The following BSN variants were observed in gnomAD, a reference collection of about 807,000 sequenced individuals.
BSN encodes protein bassoon.
In BSN, 57 loss-of-function variants were observed where a neutral mutation model predicts 264.8. The observed-to-expected ratio is 0.22, with a 90% confidence interval of 0.17 to 0.27. The LOEUF (loss-of-function observed/expected upper bound fraction) is 0.27, where lower values mean the gene tolerates loss of function less well. BSN is among the 10% of genes least tolerant of loss of function. The probability of loss-of-function intolerance (pLI) is 1.00; values close to 1 mark genes in which losing one functional copy is unlikely to be tolerated. For missense variants in BSN, 4,615 were observed against 5,232.5 expected, an observed-to-expected ratio of 0.88 and a Z score of 3.64; for synonymous variants, 2,059 against 2,137.3, an observed-to-expected ratio of 0.96 and a Z score of 1.01.
Position 49,658,054 on chromosome 3 carries a change from C to G in BSN, c.8498C>G (p.Ala2833Gly). Reference protein sequence around the residue: ...SPQKHFTADSALRQQTLPRPM... With the variant: ...SPQKHFTADSGLRQQTLPRPM... Reference sequence around the variant, plus strand: ...CAGAAGCACTTCACGGCTGACAGCGCTCTCCGCCAGCAGACGCTGCCTCGC... The same window carrying G: ...CAGAAGCACTTCACGGCTGACAGCGGTCTCCGCCAGCAGACGCTGCCTCGC... The change falls in exon 5 of 12, where the codon GCT (alanine) becomes GGT (glycine). Residue 2833 changes from alanine (A) to glycine (G), a missense_variant. This residue lies in a region of BSN where 3,415 missense variants were observed against 3,866.4 expected (regional missense o/e 0.88). Transcript: ENST00000296452. 2 of 1,613,500 alleles carry G rather than the reference C, an allele frequency of 1.2e-6. No homozygotes were observed. The highest frequency in any genetic ancestry group is 1.7e-6 in the Non-Finnish European group (2 of 1,179,978).
intron 1 of BSN, among the ~76,000 whole-genome samples, chr3:49,566,177 T>C (rs936920754): frequency 1.3e-5 from 2 of 152,236 alleles, no homozygotes; most frequent in Non-Finnish European, 2.9e-5. Context: ...CGTCTACATA[T>C]TGCATTTGGT....
At position 49,667,987 on chromosome 3, in the gene BSN, G is replaced by A. The variant is rs1273356922; in HGVS notation, c.*502G>A. On this transcript the variant is annotated 3_prime_UTR_variant, in exon 12 of 12. Transcript: ENST00000296452. ...TGGAGAGGGGCTTTGACTGAGGGCTGGGGGCCCTGGGCTCCGTTTCCTTCA... is the reference window on the plus strand; with the variant it reads ...TGGAGAGGGGCTTTGACTGAGGGCTAGGGGCCCTGGGCTCCGTTTCCTTCA... 6.6e-6 allele frequency: 1 copy of A among 152,664 alleles called. No individual in the cohort carries two copies. The highest frequency in any genetic ancestry group is 6.5e-5 in the Admixed American group (1 of 15,282). 9.5% of individuals were successfully genotyped at this position (152,664 alleles called of 1,614,324 possible). A position where few individuals can be genotyped will look rare whatever the true frequency, so the allele number is the denominator to read the frequency against.
chr3:49,654,654 C>T lies in BSN; in HGVS notation c.5098C>T (p.Leu1700=), dbSNP rs1369554591. The T allele has an allele frequency of 6.2e-7, 1 of 1,613,908 alleles. No homozygotes were observed. The highest frequency in any genetic ancestry group is 1.1e-5 in the South Asian group (1 of 91,070). The change falls in exon 5 of 12, where the codon CTG becomes TTG. Residue 1700 remains leucine, a synonymous_variant. Coordinates refer to ENST00000296452, the MANE Select transcript of BSN (RefSeq NM_003458.4). The surrounding 1 kb of genome is among the most constrained non-coding windows in gnomAD (Gnocchi z 4.1). ...GGAAGCGAGGAAGTATGGTCTTGCC[C>T]TGGATCCAATCCCAGGACGGCAGTC... is the stretch of plus-strand genomic sequence containing the variant. ...AVEARKYGLA[L]DPIPGRQSTA... is the part of the protein sequence containing the mutation.
intron 1 of BSN, among the ~76,000 whole-genome samples, chr3:49,568,952 G>A (rs73074855): frequency 0.097 from 14,707 of 152,208 alleles, 1,006 homozygotes; most frequent in Non-Finnish European, 0.13. Flanking sequence ...TTGCAGGACA[G>A]GGAGGTGGGA....
At chr3:49,672,674 T>G (rs1575457765), downstream of BSN, among the ~76,000 whole-genome samples, 1 of 149,340 alleles carries the variant, frequency 6.7e-6, no homozygotes, top group Admixed American at 6.7e-5. Flanking sequence ...AGAGACAGGG[T>G]TTCTCCATGT....
At chr3:49,601,304 G>A (rs896029873) in intron 1 of BSN, among the ~76,000 whole-genome samples, 2 of 152,206 alleles carry the variant, frequency 1.3e-5, no homozygotes, top group African/African-American at 4.8e-5. Context: ...AATCGTTAGA[G>A]CCACCTGGAT....
intron 3 of BSN, among the ~76,000 whole-genome samples, chr3:49,647,101 G>A (rs1469679898): frequency 6.6e-6 from 1 of 152,242 alleles, no homozygotes; most frequent in Non-Finnish European, 1.5e-5. Flanking sequence ...GACTGGAACG[G>A]TGTCACCATA....
chr3:49,596,123 A>C (rs1328576307), intron 1 of BSN, among the ~76,000 whole-genome samples: 2 of 152,116 alleles, frequency 1.3e-5, no homozygotes, highest in Non-Finnish European at 2.9e-5. Context: ...TAATGGTGGC[A>C]GCTGGATGTG....
rs1467556856 is a variant in BSN at position 49,653,890 on chromosome 3, C to A, written c.4334C>A (p.Ala1445Asp). ...CAGGCCCCCAGTGGCCTTGCTGCAG[C>A]TGGACGAGCTGCTAGAGAGAAGCCC... Reference protein sequence around the residue: ...LPQAPSGLAAAGRAAREKPLS... With the variant: ...LPQAPSGLAADGRAAREKPLS... Residue 1445 changes from alanine to aspartate, a missense_variant, in exon 5 of 12, where the codon GCT (alanine) becomes GAT (aspartate). This residue lies in a region of BSN where 3,415 missense variants were observed against 3,866.4 expected (regional missense o/e 0.88). Transcript: ENST00000296452. The surrounding 1 kb of genome is among the most constrained non-coding windows in gnomAD (Gnocchi z 6.3). 6.2e-7 allele frequency: 1 copy of A among 1,614,108 alleles called. No homozygotes were observed. Among genetic ancestry groups the A allele is most frequent in the East Asian group, 2.2e-5 (1 of 44,882 alleles).
chr3:49,660,267 G>A lies in BSN; in HGVS notation c.8641-219G>A, dbSNP rs2052642624. ...TCCTGCTTCCCAAAGCTCTGGGAAA[G>A]AGAAGGGCTGTAAAATAATCACAGA... is the stretch of plus-strand genomic sequence containing the variant. On this transcript the variant is annotated intron_variant, in intron 5 of 11. Transcript: ENST00000296452. This position sits in a 1 kb window ranked among gnomAD's most constrained non-coding sequence, Gnocchi z 7.1. Among the ~76,000 whole-genome samples, 1 of 152,174 alleles carries A rather than the reference G, an allele frequency of 6.6e-6. No homozygotes were observed. The highest frequency in any genetic ancestry group is 1.5e-5 in the Non-Finnish European group (1 of 68,024).
At chr3:49,664,901 GCACT>G in intron 10 of BSN, 48 bp downstream of exon 10, 2 of 1,459,166 alleles carry the variant, frequency 1.4e-6, no homozygotes, top group Non-Finnish European at 1.9e-6. Flanking sequence ...AAGGCCCGAG[GCACT>G]GGGGGTGGGG....
chr3:49,572,559 T>C (rs1022622279), intron 1 of BSN, among the ~76,000 whole-genome samples: 3 of 152,086 alleles, frequency 2.0e-5, no homozygotes, highest in South Asian at 4.1e-4. Context: ...TTTGAGACGG[T>C]GTCTTGCTCT....
rs145917529 is a variant in BSN, at chr3:49,597,923, G to C, written c.225-27052G>C. On this transcript the variant is annotated intron_variant, in intron 1 of 11. Transcript: ENST00000296452. ...CTCCCAAAGTGCTGGGATTACAGGC[G>C]TGAGCCACCACGCCCAGCCTCATTA... 9.3e-3 allele frequency among the ~76,000 whole-genome samples: 1,410 copies of C among 152,246 alleles called. 28 individuals carry two copies. The highest frequency in any genetic ancestry group is 0.031 in the African/African-American group (1,289 of 41,544).
chr3:49,581,950 A>G (rs2051898401), intron 1 of BSN, among the ~76,000 whole-genome samples: 1 of 152,182 alleles, frequency 6.6e-6, no homozygotes, highest in Non-Finnish European at 1.5e-5. Flanking sequence ...GGTGTAATAA[A>G]CATTGGCATT....
rs769699251 is a variant in BSN, at chr3:49,668,214, G to C, written c.*729G>C. The C allele has an allele frequency of 6.6e-6, 1 of 152,540 alleles. No homozygotes were observed. The highest frequency in any genetic ancestry group is 1.5e-5 in the Non-Finnish European group (1 of 68,032). 9.4% of individuals were successfully genotyped at this position (152,540 alleles called of 1,614,324 possible). A position where few individuals can be genotyped will look rare whatever the true frequency, so the allele number is the denominator to read the frequency against. Reference sequence around the variant, plus strand: ...CGCCGGCTGAGGCTTCTCCCAGCCCGTGGGTGGCAGCGTGCTAGCACACTG... The same window carrying C: ...CGCCGGCTGAGGCTTCTCCCAGCCCCTGGGTGGCAGCGTGCTAGCACACTG... On this transcript the variant is annotated 3_prime_UTR_variant, in exon 12 of 12. Transcript: ENST00000296452.
intron 1 of BSN, among the ~76,000 whole-genome samples, chr3:49,594,024 G>C (rs527903210): frequency 1.0e-3 from 156 of 151,918 alleles, no homozygotes; most frequent in African/African-American, 3.5e-3. Context: ...GGATGGTCTC[G>C]ATCTCCTGAT....
Position 49,554,708 on chromosome 3 carries a change from CCG to C in BSN, c.108_109del (p.Pro37PhefsTer51). 8.5e-7 allele frequency: 1 copy of C among 1,181,532 alleles called. No individual in the cohort carries two copies. The highest frequency in any genetic ancestry group is 1.1e-6 in the Non-Finnish European group (1 of 951,994). 73.2% of individuals were successfully genotyped at this position (1,181,532 alleles called of 1,614,324 possible). A position where few individuals can be genotyped will look rare whatever the true frequency, so the allele number is the denominator to read the frequency against. ...CGGCCCCGGCCCCGGCGCAGGAAAG[CCG>C]CCTTCAGCACCGGCCGGTGGCGGAC... Reference protein sequence around the residue: ...GPGPGPGAGKPPSAPAGGGQL... With the variant: ...GPGPGPGAGKXPSAPAGGGQL... On this transcript the variant is annotated frameshift_variant, in exon 1 of 12. Transcript: ENST00000296452. LOFTEE classifies it high-confidence loss of function.
chr3:49,655,416 A>G lies in BSN; in HGVS notation c.5860A>G (p.Thr1954Ala), dbSNP rs1443085894. The change falls in exon 5 of 12, where the codon ACC becomes GCC. Residue 1954 changes from threonine (T) to alanine (A), a missense_variant. Transcript: ENST00000296452. ...PRDPEPPEPP[T>A]YRAQGVVGPG... ...GGACCCTGAGCCTCCTGAGCCCCCA[A>G]CCTACCGGGCACAGGGGGTGGTGGG... is the stretch of plus-strand genomic sequence containing the variant. The G allele has an allele frequency of 1.9e-6, 3 of 1,570,010 alleles. No individual in the cohort carries two copies. Among genetic ancestry groups the G allele is most frequent in the East Asian group, 2.2e-5 (1 of 44,516 alleles).
At chr3:49,648,482 C>T (rs929577348) in intron 3 of BSN, among the ~76,000 whole-genome samples, 4 of 152,260 alleles carry the variant, frequency 2.6e-5, no homozygotes, top group African/African-American at 9.6e-5. Flanking sequence ...GCCTATAGCC[C>T]TGCCATCTCT....
Sources: allele counts gnomAD v4.1 joint callset (sites outside exome capture counted in the v4.1 genomes callset), GRCh38; gene constraint gnomAD v4.1.1; regional missense constraint gnomAD v4.1.1; non-coding constraint Gnocchi (gnomAD v3.1); transcripts MANE v1.5; gene names NCBI Gene and HGNC (gene_info 2026-07-23, HGNC 2026-07-21).